SLC22A3: variants seen among roughly 807,000 people sequenced by gnomAD.
SLC22A3 encodes the protein solute carrier family 22 member 3, also known as EMT organic cation transporter 3.
SLC22A3 carries 51 observed loss-of-function variants against 59.1 expected under a neutral mutation model. The observed-to-expected ratio is 0.86, with a 90% CI of 0.69 to 1.09. The LOEUF (loss-of-function observed/expected upper bound fraction) is 1.09. SLC22A3 is among the 50% of genes least tolerant of loss of function. The pLI, the probability that SLC22A3 is intolerant of heterozygous loss-of-function variation, is 0.00. For synonymous variants in SLC22A3, 325 were observed against 292.0 expected (o/e 1.11, Z -1.15); for missense variants, 711 against 726.3 (o/e 0.98, Z 0.24).
intron 1 of SLC22A3, among the ~76,000 whole-genome samples, chr6:160,394,728 A>C (rs922215652): frequency 2.0e-5 from 3 of 152,248 alleles, no homozygotes; most frequent in Non-Finnish European, 4.4e-5. Context: ...GTTTTGGAAG[A>C]GCTGAAGAAG....
intron 1 of SLC22A3, chr6:160,349,094 G>A (rs780136258): frequency 3.7e-4 from 363 of 984,696 alleles, no homozygotes; most frequent in Non-Finnish European, 4.2e-4. Context: ...TTTCGGGTGT[G>A]AACAAAAACT....
At chr6:160,410,989 TAC>T (rs3066964) in intron 5 of SLC22A3, 143 bp downstream of exon 5, 3,277 of 450,254 alleles carry the variant, frequency 7.3e-3, no homozygotes, top group East Asian at 0.01. Context: ...TATATATGTA[TAC>T]ACACACACAC....
chr6:160,381,379 G>A (rs868724841), intron 1 of SLC22A3, among the ~76,000 whole-genome samples: 2 of 152,204 alleles, frequency 1.3e-5, no homozygotes, highest in Non-Finnish European at 2.9e-5. Context: ...ATATCATGGA[G>A]TAAGGTAAAA....
At chr6:160,444,469 GAGGGA>G (rs1788671396) in intron 9 of SLC22A3, among the ~76,000 whole-genome samples, 4 of 152,138 alleles carry the variant, frequency 2.6e-5, no homozygotes, top group Admixed American at 2.6e-4. Flanking sequence ...AATCCATGTG[GAGGGA>G]GCAGGTGACA....
chr6:160,400,828 T>C (rs111544245), intron 2 of SLC22A3, among the ~76,000 whole-genome samples: 4,087 of 151,690 alleles, frequency 0.027, 171 homozygotes, highest in African/African-American at 0.094. Flanking sequence ...AGTAGAGAGA[T>C]GGAAATTCTA....
At chr6:160,426,398 T>C (rs949135295) in intron 5 of SLC22A3, 8 of 966,500 alleles carry the variant, frequency 8.3e-6, no homozygotes, top group Non-Finnish European at 9.8e-6. Context: ...TCAGGCATCA[T>C]TGGGCTGTGC....
At chr6:160,441,959 T>C (rs554245043) in intron 7 of SLC22A3, among the ~76,000 whole-genome samples, 21 of 152,198 alleles carry the variant, frequency 1.4e-4, no homozygotes, top group African/African-American at 4.8e-4. Flanking sequence ...CTTTTTAGAG[T>C]AAAAATGGTT....
Position 160,451,784 on chromosome 6 carries a change from G to A in SLC22A3, c.*728G>A, listed in dbSNP as rs1016645130. The A allele has an allele frequency of 1.3e-5, 2 of 152,196 alleles. No individual in the cohort carries two copies. The highest frequency in any genetic ancestry group is 1.9e-4 in the East Asian group (1 of 5,198). 9.4% of individuals were successfully genotyped at this position (152,196 alleles called of 1,614,324 possible). A position where few individuals can be genotyped will look rare whatever the true frequency, so the allele number is the denominator to read the frequency against. ...ATTTACAAAATGATGCTGTGGTTCT[G>A]AGATTATTTGGGACATTTTTGGCTC... On this transcript the variant is annotated 3_prime_UTR_variant, in exon 11 of 11. Transcript: ENST00000275300.
chr6:160,348,382 C>A lies in SLC22A3; in HGVS notation c.-38C>A, dbSNP rs764353141. 111 of 1,422,266 alleles carry A rather than the reference C, an allele frequency of 7.8e-5. No individual in the cohort carries two copies. Among genetic ancestry groups the A allele is most frequent in the Non-Finnish European group, 9.7e-5 (106 of 1,095,566 alleles). The allele number at this position is 1,422,266 out of a possible 1,614,324, so 88.1% of individuals were successfully genotyped here. A position where few individuals can be genotyped will look rare whatever the true frequency, so the allele number is the denominator to read the frequency against. ...CGCCGGCTGGGTCCGCGGGTCACTC[C>A]GAGGCGCGGGCTGCGGGCGGCGGGC... On this transcript the variant is annotated 5_prime_UTR_variant, in exon 1 of 11. Transcript: ENST00000275300.
intron 10 of SLC22A3, among the ~76,000 whole-genome samples, chr6:160,450,662 A>G (rs1041275970): frequency 6.6e-6 from 1 of 152,154 alleles, no homozygotes; most frequent in Non-Finnish European, 1.5e-5. Context: ...ATTTATGTTC[A>G]GAGATTGAAG....
intron 5 of SLC22A3, among the ~76,000 whole-genome samples, chr6:160,431,222 C>G (rs551184227): frequency 2.6e-5 from 4 of 152,072 alleles, no homozygotes; most frequent in Admixed American, 1.3e-4. Flanking sequence ...AATTTAGTAA[C>G]CCTTTGGCAA....
chr6:160,360,121 A>G (rs1784967304), intron 1 of SLC22A3, among the ~76,000 whole-genome samples: 1 of 152,106 alleles, frequency 6.6e-6, no homozygotes, highest in Non-Finnish European at 1.5e-5. Flanking sequence ...CACTTAAATG[A>G]TTTTTCTTTT....
chr6:160,385,190 T>C (rs562695355), intron 1 of SLC22A3, among the ~76,000 whole-genome samples: 1 of 152,368 alleles, frequency 6.6e-6, no homozygotes, highest in South Asian at 2.1e-4. Flanking sequence ...TTGTTTCTTG[T>C]GTACTGTTGT....
chr6:160,412,325 T>C (rs963730207), intron 5 of SLC22A3, among the ~76,000 whole-genome samples: 2 of 152,180 alleles, frequency 1.3e-5, no homozygotes, highest in South Asian at 2.1e-4. Context: ...ATTGCCCCAC[T>C]GCACTCCAGC....
At chr6:160,387,258 G>T (rs1272528657) in intron 1 of SLC22A3, among the ~76,000 whole-genome samples, 1 of 152,242 alleles carries the variant, frequency 6.6e-6, no homozygotes, top group East Asian at 1.9e-4. Context: ...GCAGAGGAAA[G>T]CAAATAAGTG....
chr6:160,417,071 A>G (rs1787526045), intron 5 of SLC22A3, among the ~76,000 whole-genome samples: 1 of 152,180 alleles, frequency 6.6e-6, no homozygotes, highest in Non-Finnish European at 1.5e-5. Context: ...AGAGGATTTT[A>G]CATCCCATTC....
chr6:160,446,745 AAAG>A (rs1316296190), intron 9 of SLC22A3, among the ~76,000 whole-genome samples: 1 of 152,262 alleles, frequency 6.6e-6, no homozygotes, highest in African/African-American at 2.4e-5. Flanking sequence ...ATCAAAAAGT[AAAG>A]AATATGAAAT....
At chr6:160,384,878 C>T (rs1278831010) in intron 1 of SLC22A3, among the ~76,000 whole-genome samples, 1 of 152,186 alleles carries the variant, frequency 6.6e-6, no homozygotes, top group African/African-American at 2.4e-5. Context: ...AAAGCAGGCT[C>T]CGCACAGTGG....
At chr6:160,404,158 T>C (rs978007702) in intron 2 of SLC22A3, among the ~76,000 whole-genome samples, 1 of 151,036 alleles carries the variant, frequency 6.6e-6, no homozygotes. Flanking sequence ...GATGTCATGA[T>C]TGTCTATGTA....
Sources: allele counts gnomAD v4.1 joint callset (sites outside exome capture counted in the v4.1 genomes callset), GRCh38; gene constraint gnomAD v4.1.1; transcripts MANE v1.5; gene names NCBI Gene and HGNC (gene_info 2026-07-23, HGNC 2026-07-21).